MTMR3: variants seen among roughly 807,000 people sequenced by gnomAD.
The protein encoded by MTMR3 is myotubularin related protein 3.
A neutral mutation model predicts 132.4 loss-of-function variants in MTMR3; 32 were observed. That is an observed-to-expected ratio of 0.24 (90% CI 0.18 to 0.32). The LOEUF is 0.32. MTMR3 is among the 10% of genes least tolerant of loss of function. The pLI, the probability that MTMR3 is intolerant of heterozygous loss-of-function variation, is 1.00. For missense variants in MTMR3, 1,216 were observed against 1,489.6 expected (o/e 0.82, Z 3.02); for synonymous variants, 556 against 550.3 (o/e 1.01, Z -0.14).
At chr22:29,952,599 CT>C (rs1251363102) in intron 1 of MTMR3, among the ~76,000 whole-genome samples, 1 of 152,118 alleles carries the variant, frequency 6.6e-6, no homozygotes, top group African/African-American at 2.4e-5. Context: ...AGGGTAGGAA[CT>C]TTGTTTTGTT....
chr22:29,968,196 CCTGCCGGCAGTGTATGGGGGTTT>C (rs2066467131), intron 2 of MTMR3, among the ~76,000 whole-genome samples: 1 of 152,138 alleles, frequency 6.6e-6, no homozygotes, highest in Non-Finnish European at 1.5e-5. Flanking sequence ...ACTTTACATT[CCTGCCGGCAGTGTATGGGGGTTT>C]CACCTTCACA....
At position 29,991,555 on chromosome 22, in the gene MTMR3, C is replaced by T. The variant is rs558189805; in HGVS notation, c.345C>T (p.Asn115=). Residue 115 remains asparagine, a synonymous_variant, in exon 7 of 20, where the codon AAC becomes AAT. Coordinates refer to ENST00000401950, the MANE Select transcript of MTMR3 (RefSeq NM_021090.4). ...EQCQEWLKRL[N]NAIRPPAKIE... Reference sequence around the variant, plus strand: ...GTCAAGAGTGGCTGAAGAGACTGAACAACGCAATCCGACCACCTGCTAAAA... The same window carrying T: ...GTCAAGAGTGGCTGAAGAGACTGAATAACGCAATCCGACCACCTGCTAAAA... The T allele has an allele frequency of 1.9e-6, 3 of 1,614,072 alleles. No individual in the cohort carries two copies. In the South Asian group the frequency reaches 3.3e-5, roughly 18 times the overall value.
rs1304799097 is a variant in MTMR3 at position 30,012,295 on chromosome 22, T to C, written c.1122-73T>C. The C allele has an allele frequency of 4.0e-6, 6 of 1,493,746 alleles. No individual in the cohort carries two copies. In the Admixed American group the frequency reaches 1.3e-4, roughly 32 times the overall value. The allele number at this position is 1,493,746 out of a possible 1,614,324, so 92.5% of individuals were successfully genotyped here. The stretch of plus-strand genomic sequence containing the variant: ...AAATCTTTGGAAATTGCTTTTTCAT[T>C]TGACAATCATTGAGCATGATGCAGT... On this transcript the variant is annotated intron_variant, in intron 12 of 19. Transcript: ENST00000401950.
chr22:30,000,011 C>CA (rs897437516), intron 8 of MTMR3: 50 of 146,288 alleles, frequency 3.4e-4, no homozygotes, highest in South Asian at 8.6e-4. Flanking sequence ...GACTCTGTCG[C>CA]AAAAAAAAAA....
chr22:30,021,212 T>G (rs1654544604), intron 17 of MTMR3: 1 of 314,522 alleles, frequency 3.2e-6, no homozygotes, highest in South Asian at 6.3e-5. Flanking sequence ...GAATGACATC[T>G]GTAGGGCAAT....
chr22:29,905,611 TGTAAG>T (rs555261453), intron 1 of MTMR3, among the ~76,000 whole-genome samples: 398 of 152,322 alleles, frequency 2.6e-3, no homozygotes, highest in African/African-American at 9.5e-3. Context: ...ACTTCCTTGA[TGTAAG>T]GTAATGTTCT....
At chr22:29,911,229 A>G (rs1278959432) in intron 1 of MTMR3, among the ~76,000 whole-genome samples, 1 of 151,922 alleles carries the variant, frequency 6.6e-6, no homozygotes. Flanking sequence ...GCAGCATCTC[A>G]TTATCCTGTG....
At chr22:29,927,075 C>T (rs973057143) in intron 1 of MTMR3, among the ~76,000 whole-genome samples, 4 of 152,228 alleles carry the variant, frequency 2.6e-5, no homozygotes, top group East Asian at 1.9e-4. Flanking sequence ...GTCCCACCAC[C>T]GTTTGTTGAA....
intron 1 of MTMR3, among the ~76,000 whole-genome samples, chr22:29,919,998 G>A (rs1347278665): frequency 6.6e-6 from 1 of 152,012 alleles, no homozygotes; most frequent in Non-Finnish European, 1.5e-5. Flanking sequence ...GGCAGATCAT[G>A]AGGTCAAGAG....
intron 19 of MTMR3, chr22:30,023,584 A>G: frequency 6.9e-7 from 1 of 1,446,344 alleles, no homozygotes; most frequent in Non-Finnish European, 9.7e-7. Flanking sequence ...ACTAGGGTGA[A>G]GCCTGGGGCC....
At chr22:29,991,327 TA>T in intron 6 of MTMR3, 176 bp from the exon 7 acceptor site, 1 of 510,804 alleles carries the variant, frequency 2.0e-6, no homozygotes, top group Non-Finnish European at 3.3e-6. Context: ...TTCCATTGGC[TA>T]ACATTTGTTT....
intron 1 of MTMR3, among the ~76,000 whole-genome samples, chr22:29,920,478 A>G (rs781355626): frequency 1.5e-4 from 23 of 152,156 alleles, no homozygotes; most frequent in Non-Finnish European, 1.5e-4. Context: ...TGTGTATTCA[A>G]TTTTGGTACC....
At chr22:29,993,535 C>T (rs773035080) in intron 7 of MTMR3, 27 of 152,232 alleles carry the variant, frequency 1.8e-4, no homozygotes, top group Admixed American at 1.1e-3. Context: ...TCCAAGACCC[C>T]TGACTCCAAG....
chr22:29,888,474 A>G (rs1399222087), intron 1 of MTMR3, among the ~76,000 whole-genome samples: 1 of 152,230 alleles, frequency 6.6e-6, no homozygotes, highest in East Asian at 1.9e-4. Context: ...AACGAAAACA[A>G]AAAGAAAATT....
intron 1 of MTMR3, among the ~76,000 whole-genome samples, chr22:29,927,939 G>GTTT (rs764629136): frequency 0.011 from 1,197 of 107,356 alleles, 71 homozygotes; most frequent in African/African-American, 0.033. Context: ...TCTAGCCTTT[G>GTTT]TTTTTTTTTT....
chr22:30,019,198 G>A (rs1251812464), intron 16 of MTMR3: 21 of 275,580 alleles, frequency 7.6e-5, no homozygotes, highest in African/African-American at 3.6e-4. Context: ...GTGAGACTCC[G>A]TCTCAAAAAA....
chr22:30,019,656 T>C lies in MTMR3; in HGVS notation c.1997T>C (p.Leu666Pro). Residue 666 changes from leucine (L) to proline (P), a missense_variant, in exon 17 of 20, where the codon CTA (leucine) becomes CCA (proline). Coordinates refer to ENST00000401950, the MANE Select transcript of MTMR3 (RefSeq NM_021090.4). Reference sequence around the variant, plus strand: ...GAGGATCCCCTTTCTGCCGACAGCCTAGGGAAGCCCACCAGAGTGCCGGGG... The same window carrying C: ...GAGGATCCCCTTTCTGCCGACAGCCCAGGGAAGCCCACCAGAGTGCCGGGG... The part of the protein sequence containing the change: ...PGEDPLSADS[L>P]GKPTRVPGGA... 6.2e-7 allele frequency: 1 copy of C among 1,614,094 alleles called. No homozygotes were observed. Among genetic ancestry groups the C allele is most frequent in the South Asian group, 1.1e-5 (1 of 91,076 alleles).
intron 1 of MTMR3, among the ~76,000 whole-genome samples, chr22:29,908,628 A>G (rs148454488): frequency 1.8e-3 from 274 of 151,970 alleles, no homozygotes; most frequent in African/African-American, 6.4e-3. Flanking sequence ...AATAGCAGGA[A>G]TATGTCTTTT....
chr22:29,998,878 T>C, intron 8 of MTMR3, 21 bp downstream of exon 8: 1 of 1,567,292 alleles, frequency 6.4e-7, no homozygotes, highest in Non-Finnish European at 8.7e-7. Flanking sequence ...TGGGTCCCTG[T>C]GGACTGTTTC....
Sources: gnomAD v4.1 joint callset for allele counts (sites outside exome capture counted in the v4.1 genomes callset) on GRCh38, gnomAD v4.1.1 for gene constraint, MANE v1.5 for transcripts, NCBI Gene and HGNC (gene_info 2026-07-23, HGNC 2026-07-21) for gene names.